CNTN5: variants seen among roughly 807,000 people sequenced by gnomAD.
CNTN5 encodes the protein contactin-5.
A neutral mutation model predicts 129.1 loss-of-function variants in CNTN5; 77 were observed. The observed-to-expected ratio is 0.60, with a 90% confidence interval of 0.50 to 0.72. The LOEUF (loss-of-function observed/expected upper bound fraction) is 0.72. Among genes scored for constraint, CNTN5 ranks in the 30% least tolerant of loss-of-function variants. The pLI, the probability that CNTN5 is intolerant of heterozygous loss-of-function variation, is 0.00. For synonymous variants in CNTN5, 509 were observed against 465.6 expected (o/e 1.09, Z -1.20); for missense variants, 1,478 against 1,328.8 (o/e 1.11, Z -1.75).
intron 3 of CNTN5, among the ~76,000 whole-genome samples, chr11:99,813,266 A>G (rs1145395): frequency 0.43 from 65,601 of 151,972 alleles, 15,080 homozygotes; most frequent in Middle Eastern, 0.52. Flanking sequence ...AGCATCACTC[A>G]ATATTTCTAT....
chr11:99,042,017 C>T (rs954138658), intron 1 of CNTN5, among the ~76,000 whole-genome samples: 2 of 151,980 alleles, frequency 1.3e-5, no homozygotes, highest in Non-Finnish European at 1.5e-5. Context: ...TATTTCATGT[C>T]GAGAATATCA....
At chr11:100,012,360 C>T (rs12286784) in intron 9 of CNTN5, among the ~76,000 whole-genome samples, 5,020 of 152,158 alleles carry the variant, frequency 0.033, 295 homozygotes, top group African/African-American at 0.11. Context: ...GTGGATGTAC[C>T]GCTCAGGCTA....
chr11:100,029,362 C>G (rs1941588288), intron 9 of CNTN5, among the ~76,000 whole-genome samples: 1 of 151,508 alleles, frequency 6.6e-6, no homozygotes, highest in South Asian at 2.1e-4. Flanking sequence ...GCGGGTGGAT[C>G]ATGAGGTCAG....
intron 2 of CNTN5, among the ~76,000 whole-genome samples, chr11:99,372,841 TG>T (rs1410258239): frequency 1.3e-5 from 2 of 152,216 alleles, no homozygotes; most frequent in African/African-American, 4.8e-5. Flanking sequence ...TGTTTTGTTT[TG>T]TTACCAATTA....
intron 13 of CNTN5, among the ~76,000 whole-genome samples, chr11:100,129,165 A>G (rs1300423498): frequency 6.6e-6 from 1 of 152,138 alleles, no homozygotes. Context: ...AAATAAATGA[A>G]TGGATGGACA....
chr11:99,495,634 G>C (rs1428353190), intron 2 of CNTN5, among the ~76,000 whole-genome samples: 1 of 152,172 alleles, frequency 6.6e-6, no homozygotes, highest in African/African-American at 2.4e-5. Flanking sequence ...ATGCGATGAA[G>C]ATTGCATTCT....
chr11:99,722,950 TC>T (rs1252323930), intron 3 of CNTN5, among the ~76,000 whole-genome samples: 1 of 152,124 alleles, frequency 6.6e-6, no homozygotes, highest in Non-Finnish European at 1.5e-5. Flanking sequence ...CATTGTCACT[TC>T]ATAGATGTTG....
chr11:100,333,501 A>C (rs916720203), intron 21 of CNTN5, among the ~76,000 whole-genome samples: 1 of 151,992 alleles, frequency 6.6e-6, no homozygotes, highest in Non-Finnish European at 1.5e-5. Flanking sequence ...ACAAGAACAA[A>C]TCTGGAGGCA....
At chr11:99,767,933 C>T (rs1944811218) in intron 3 of CNTN5, among the ~76,000 whole-genome samples, 2 of 152,062 alleles carry the variant, frequency 1.3e-5, no homozygotes, top group South Asian at 2.1e-4. Flanking sequence ...TAAATACTCA[C>T]GTAGCTCAGG....
intron 3 of CNTN5, among the ~76,000 whole-genome samples, chr11:99,663,228 G>A (rs1239786217): frequency 6.6e-6 from 1 of 152,154 alleles, no homozygotes; most frequent in East Asian, 1.9e-4. Context: ...CAGCACTTTG[G>A]GAGGCCGAGG....
intron 3 of CNTN5, among the ~76,000 whole-genome samples, chr11:99,582,904 T>TG (rs573412265): frequency 6.6e-5 from 10 of 152,296 alleles, no homozygotes; most frequent in Admixed American, 5.9e-4. Flanking sequence ...GGCACTCTGA[T>TG]TTTTAGAGTT....
chr11:99,149,966 A>C (rs1201955677), intron 1 of CNTN5, among the ~76,000 whole-genome samples: 4 of 152,120 alleles, frequency 2.6e-5, no homozygotes, highest in Admixed American at 2.6e-4. Flanking sequence ...ATTCACTTAG[A>C]TCTTTAGAGC....
intron 13 of CNTN5, among the ~76,000 whole-genome samples, chr11:100,123,769 G>A (rs1439147871): frequency 6.6e-6 from 1 of 151,972 alleles, no homozygotes; most frequent in African/African-American, 2.4e-5. Flanking sequence ...GGGTTCGGTG[G>A]ATTATAAATA....
chr11:100,112,933 G>GA (rs1945703660), intron 13 of CNTN5, among the ~76,000 whole-genome samples: 1 of 152,064 alleles, frequency 6.6e-6, no homozygotes, highest in African/African-American at 2.4e-5. Context: ...ATATTAAGAA[G>GA]AAAGCAAAAT....
At chr11:99,345,221 CATAAT>C (rs1937757568) in intron 2 of CNTN5, among the ~76,000 whole-genome samples, 1 of 152,086 alleles carries the variant, frequency 6.6e-6, no homozygotes, top group Admixed American at 6.6e-5. Context: ...ACTATGAAAA[CATAAT>C]ATGGGAATAA....
intron 7 of CNTN5, among the ~76,000 whole-genome samples, chr11:99,937,791 G>A (rs1591448938): frequency 6.6e-6 from 1 of 152,272 alleles, no homozygotes; most frequent in East Asian, 1.9e-4. Context: ...CTTCTCCAGT[G>A]GAAAACCGAG....
intron 2 of CNTN5, among the ~76,000 whole-genome samples, chr11:99,380,871 T>C (rs1346825374): frequency 6.6e-6 from 1 of 151,984 alleles, no homozygotes; most frequent in African/African-American, 2.4e-5. Flanking sequence ...GTATAGATAC[T>C]GGGGTTACAT....
intron 7 of CNTN5, among the ~76,000 whole-genome samples, chr11:99,925,869 GAT>G (rs2136053812): frequency 6.6e-6 from 1 of 152,154 alleles, no homozygotes; most frequent in Non-Finnish European, 1.5e-5. Flanking sequence ...AGAACACTAT[GAT>G]GAAGGAATAC....
intron 3 of CNTN5, among the ~76,000 whole-genome samples, chr11:99,698,743 C>A (rs562324885): frequency 6.6e-6 from 1 of 150,840 alleles, no homozygotes; most frequent in Non-Finnish European, 1.5e-5. Flanking sequence ...TACATTTTCC[C>A]ACATCATAAA....
Sources: gnomAD v4.1 joint callset for allele counts (sites outside exome capture counted in the v4.1 genomes callset) on GRCh38, gnomAD v4.1.1 for gene constraint, MANE v1.5 for transcripts, NCBI Gene and HGNC (gene_info 2026-07-23, HGNC 2026-07-21) for gene names.